The following CEP162 variants were observed in gnomAD, a reference collection of about 807,000 sequenced individuals.
The protein encoded by CEP162 is centrosomal protein 162.
In CEP162, 141 loss-of-function variants were observed where a neutral mutation model predicts 169.2. The observed-to-expected ratio is 0.83, with a 90% confidence interval of 0.73 to 0.96. CEP162 has a LOEUF of 0.96. Ranked by LOEUF, CEP162 falls within the 40% of genes least tolerant of loss-of-function variation. The pLI is 0.00. For synonymous variants in CEP162, 540 were observed against 526.4 expected (o/e 1.03, Z -0.35); for missense variants, 1,600 against 1,587.2 (o/e 1.01, Z -0.14).
intron 16 of CEP162, among the ~76,000 whole-genome samples, chr6:84,172,990 A>G (rs2099530805): frequency 6.6e-6 from 1 of 152,186 alleles, no homozygotes; most frequent in African/African-American, 2.4e-5. Context: ...CATTGCAAAC[A>G]TCTGCCTCTA....
chr6:84,161,977 A>G, intron 19 of CEP162, 68 bp from the exon 20 acceptor site: 2 of 1,052,694 alleles, frequency 1.9e-6, no homozygotes, highest in Non-Finnish European at 2.7e-6. Context: ...CTAAATTAAA[A>G]GATTTTAAAT....
chr6:84,212,161 A>G lies in CEP162; in HGVS notation c.571+796T>C, dbSNP rs372699701. Among the ~76,000 whole-genome samples the G allele has an allele frequency of 2.6e-5, 4 of 152,302 alleles. No homozygotes were observed. The East Asian group carries it at 7.7e-4, about 29-fold the overall frequency. On this transcript the variant is annotated intron_variant, in intron 6 of 26. Coordinates refer to ENST00000403245, the MANE Select transcript of CEP162 (RefSeq NM_014895.4). ...TGTTCCTAGCAGTAACCTGCACTAC[A>G]AGAAATGTGAAAGGAGGCTCTTCGT...
chr6:84,201,310 C>A (rs1361259302), intron 8 of CEP162, among the ~76,000 whole-genome samples: 1 of 149,456 alleles, frequency 6.7e-6, no homozygotes, highest in Non-Finnish European at 1.5e-5. Flanking sequence ...AACAAACAAA[C>A]AAAATGCAAT....
intron 11 of CEP162, among the ~76,000 whole-genome samples, chr6:84,193,327 T>C (rs369389259): frequency 1.3e-5 from 2 of 152,232 alleles, no homozygotes; most frequent in African/African-American, 4.8e-5. Context: ...TCATCATGAA[T>C]GAACTGTTCC....
At chr6:84,188,848 C>T (rs2099538393) in intron 11 of CEP162, among the ~76,000 whole-genome samples, 1 of 152,148 alleles carries the variant, frequency 6.6e-6, no homozygotes, top group Non-Finnish European at 1.5e-5. Context: ...ACATTCCCAC[C>T]AGCAGTGTAT....
intron 25 of CEP162, among the ~76,000 whole-genome samples, chr6:84,140,654 T>C (rs1304729218): frequency 1.3e-5 from 2 of 152,020 alleles, no homozygotes. Context: ...ACCTCTTGAG[T>C]AGCTGGGACT....
In CEP162 at chr6:84,137,069, G is replaced by A. The variant is rs141355096; in HGVS notation, c.3870+9618C>T. On this transcript the variant is annotated intron_variant, in intron 25 of 26. Transcript: ENST00000403245. The stretch of plus-strand genomic sequence containing the variant: ...GATATCGGTTCTTGTGGAGCATGCG[G>A]CATCTAAACTAGCAAGGGAATAAGA... 2.6e-3 allele frequency among the ~76,000 whole-genome samples: 400 copies of A among 152,312 alleles called. 4 individuals are homozygous for A. Among genetic ancestry groups the A allele is most frequent in the African/African-American group, 8.9e-3 (368 of 41,562 alleles).
At chr6:84,195,938 A>C (rs929453102) in intron 9 of CEP162, among the ~76,000 whole-genome samples, 1 of 152,200 alleles carries the variant, frequency 6.6e-6, no homozygotes, top group Non-Finnish European at 1.5e-5. Context: ...AGATTGCTCT[A>C]TATCACATCT....
At position 84,152,945 on chromosome 6, in the gene CEP162, G is replaced by A; in HGVS notation, c.3229C>T (p.Gln1077Ter). ...DDEDFQSIEF[Q>*]VEQAHAKAKL... is the part of the protein sequence containing the mutation. ...GCTTTAGCATGAGCCTGTTCCACCT[G>A]GAATTCTATAGACTGAAAATCTTCA... Residue 1077 changes from glutamine (Q) to a stop codon, truncating the protein, a stop_gained, in exon 23 of 27, where the codon CAG becomes TAG. Transcript: ENST00000403245. LOFTEE classifies it high-confidence loss of function. The A allele has an allele frequency of 6.2e-7, 1 of 1,613,606 alleles. No individual in the cohort carries two copies. Among genetic ancestry groups the A allele is most frequent in the Non-Finnish European group, 8.5e-7 (1 of 1,179,742 alleles).
chr6:84,204,104 A>C lies in CEP162; in HGVS notation c.572-8T>G. On this transcript the variant is annotated splice_polypyrimidine_tract_variant and splice_region_variant and intron_variant, in intron 6 of 26. Coordinates refer to ENST00000403245, the MANE Select transcript of CEP162 (RefSeq NM_014895.4). The stretch of plus-strand genomic sequence containing the variant: ...AATCATCACTGTAATTTTCTGAAGA[A>C]AGTAATTTTTAAAAGTACAAAGACC... 1 of 1,540,916 alleles carries C rather than the reference A, an allele frequency of 6.5e-7. No individual in the cohort carries two copies. The highest frequency in any genetic ancestry group is 1.2e-5 in the South Asian group (1 of 84,866).
chr6:84,155,778 T>A lies in CEP162; in HGVS notation c.2782-268A>T, dbSNP rs558784286. 7.9e-5 allele frequency among the ~76,000 whole-genome samples: 12 copies of A among 152,240 alleles called. No individual in the cohort carries two copies. In the South Asian group the frequency reaches 2.5e-3, roughly 32 times the overall value. On this transcript the variant is annotated intron_variant, in intron 21 of 26. Transcript: ENST00000403245. ...ATCCCATGTGCATAGACTGGAAGGA[T>A]TAGTGTAGTTAAAATGACCATACTG...
At chr6:84,130,092 G>A (rs80138020) in intron 25 of CEP162, among the ~76,000 whole-genome samples, 6,676 of 152,198 alleles carry the variant, frequency 0.044, 475 homozygotes, top group African/African-American at 0.15. Flanking sequence ...TTTTGTCGAA[G>A]GCCTCTTCTG....
At chr6:84,141,191 G>C (rs2099516453) in intron 25 of CEP162, among the ~76,000 whole-genome samples, 1 of 151,978 alleles carries the variant, frequency 6.6e-6, no homozygotes, top group Non-Finnish European at 1.5e-5. Flanking sequence ...GGGGACCCCT[G>C]GTCTAGAATC....
chr6:84,146,657 T>C (rs1294586594), intron 25 of CEP162, 30 bp downstream of exon 25: 4 of 1,074,440 alleles, frequency 3.7e-6, no homozygotes, highest in Admixed American at 5.3e-5. Flanking sequence ...GAAAAACTTA[T>C]TTTAGCCCAA....
Position 84,149,645 on chromosome 6 carries a change from T to C in CEP162, c.3688A>G (p.Ile1230Val), listed in dbSNP as rs1288499027. Residue 1230 changes from isoleucine to valine, a missense_variant, in exon 24 of 27, where the codon ATA becomes GTA. Coordinates refer to ENST00000403245, the MANE Select transcript of CEP162 (RefSeq NM_014895.4). ...GCATTTTGGCAAAGGAGTTTCTCTA[T>C]TTCTCTCTGATGAGATGCTTTGAGG... ...ASLKASHQRE[I>V]EKLLCQNAVE... is the part of the protein sequence containing the mutation. 1.2e-6 allele frequency: 2 copies of C among 1,602,408 alleles called. No homozygotes were observed. Among genetic ancestry groups the C allele is most frequent in the Non-Finnish European group, 8.5e-7 (1 of 1,173,550 alleles).
chr6:84,202,361 G>A (rs1436860743), intron 7 of CEP162, among the ~76,000 whole-genome samples: 1 of 151,938 alleles, frequency 6.6e-6, no homozygotes, highest in Non-Finnish European at 1.5e-5. Flanking sequence ...CAATAACAGA[G>A]CTTTAATCCC....
chr6:84,206,620 A>G (rs369497892), intron 6 of CEP162, among the ~76,000 whole-genome samples: 2 of 152,196 alleles, frequency 1.3e-5, no homozygotes, highest in African/African-American at 2.4e-5. Context: ...AAAAACCCTA[A>G]AAGAAAACCT....
At chr6:84,140,015 T>G (rs2099515888) in intron 25 of CEP162, among the ~76,000 whole-genome samples, 1 of 142,906 alleles carries the variant, frequency 7.0e-6, no homozygotes, top group Non-Finnish European at 1.5e-5. Context: ...AAAGAAAGGA[T>G]GAGGTTCACC....
chr6:84,197,825 C>CAAAAAA (rs564556727), intron 9 of CEP162, among the ~76,000 whole-genome samples: 89 of 64,120 alleles, frequency 1.4e-3, no homozygotes, highest in Middle Eastern at 0.01. Context: ...TCAAACAAAA[C>CAAAAAA]AAAAAAAAAA....
Sources: allele counts gnomAD v4.1 joint callset (sites outside exome capture counted in the v4.1 genomes callset), GRCh38; gene constraint gnomAD v4.1.1; transcripts MANE v1.5; gene names NCBI Gene and HGNC (gene_info 2026-07-23, HGNC 2026-07-21).